Variants in DENND4A observed in about 807,000 individuals in gnomAD.
The protein encoded by DENND4A is C-myc promoter-binding protein.
A neutral mutation model predicts 199.3 loss-of-function variants in DENND4A; 70 were observed. The observed-to-expected ratio is 0.35, with a 90% CI of 0.29 to 0.43. The LOEUF is 0.43. DENND4A is among the 20% of genes least tolerant of loss of function. The probability of loss-of-function intolerance (pLI) is 1.00; values close to 1 mark genes in which losing one functional copy is unlikely to be tolerated. For synonymous variants in DENND4A, 686 were observed against 766.9 expected, an observed-to-expected ratio of 0.89 and a Z score of 1.74; for missense variants, 1,723 against 2,255.8, an observed-to-expected ratio of 0.76 and a Z score of 4.78.
chr15:65,763,113 T>C (rs2076894663), intron 1 of DENND4A, among the ~76,000 whole-genome samples: 2 of 152,238 alleles, frequency 1.3e-5, no homozygotes, highest in East Asian at 1.9e-4. Context: ...ACCAACTGTA[T>C]TGTACCAAGC....
chr15:65,675,983 A>G (rs1208387320), intron 24 of DENND4A, among the ~76,000 whole-genome samples: 1 of 151,874 alleles, frequency 6.6e-6, no homozygotes, highest in East Asian at 1.9e-4. Flanking sequence ...ATGTATAACT[A>G]TAATTTTGTA....
chr15:65,750,413 T>C (rs1194053553), intron 4 of DENND4A, among the ~76,000 whole-genome samples: 1 of 151,834 alleles, frequency 6.6e-6, no homozygotes, highest in African/African-American at 2.4e-5. Context: ...ATGGGTTCAA[T>C]CACACCCTAA....
chr15:65,784,870 G>A (rs1322947771), intron 1 of DENND4A, among the ~76,000 whole-genome samples: 1 of 152,080 alleles, frequency 6.6e-6, no homozygotes, highest in Admixed American at 6.6e-5. Context: ...ACCTGGGCCG[G>A]GCAATGGTGT....
At chr15:65,663,708 T>A (rs1003672497) in intron 32 of DENND4A, among the ~76,000 whole-genome samples, 2 of 152,074 alleles carry the variant, frequency 1.3e-5, no homozygotes, top group African/African-American at 4.8e-5. Flanking sequence ...GGCATGCAGC[T>A]GCACCGTCAT....
At position 65,722,832 on chromosome 15, in the gene DENND4A, T is replaced by TA. The variant is rs769444765; in HGVS notation, c.1588+15dup. 15 of 1,561,870 alleles carry TA rather than the reference T, an allele frequency of 9.6e-6. No homozygotes were observed. The African/African-American group carries it at 1.6e-4, about 17-fold the overall frequency. The stretch of plus-strand genomic sequence containing the variant: ...TTCAGATTAAATTACCTCCTTTAAT[T>TA]AAGTTATCCACTTACATTTTGCCAA... On this transcript the variant is annotated intron_variant, in intron 12 of 32. Transcript: ENST00000443035.
chr15:65,699,557 A>G, intron 20 of DENND4A, among the ~76,000 whole-genome samples: 2 of 150,480 alleles, frequency 1.3e-5, no homozygotes, highest in African/African-American at 4.9e-5. Context: ...CACATAAGAT[A>G]TATAATTCTA....
At position 65,696,383 on chromosome 15, in the gene DENND4A, A is replaced by G. The variant is rs1215710016; in HGVS notation, c.3065T>C (p.Ile1022Thr). The change falls in exon 22 of 33, where the codon ATA becomes ACA. Residue 1022 changes from isoleucine to threonine, a missense_variant. Ile to Thr is a moderately conservative substitution (Grantham distance 89). Transcript: ENST00000443035. ...TGTSNNSAGKISGESMESTPE... is the reference protein window; with the variant it reads ...TGTSNNSAGKTSGESMESTPE... ...CAACTTACCCATGCTTTCTCCTGAT[A>G]TTTTACCAGCACTGTTGTTACTTGT... The G allele has an allele frequency of 1.2e-6, 2 of 1,612,208 alleles. No individual in the cohort carries two copies. The highest frequency in any genetic ancestry group is 1.1e-5 in the South Asian group (1 of 90,992).
chr15:65,727,683 GC>G (rs1281498534), intron 11 of DENND4A: 1 of 179,972 alleles, frequency 5.6e-6, no homozygotes, highest in African/African-American at 2.4e-5. Context: ...AGCTGTACCA[GC>G]TTTTGGGCTT....
intron 28 of DENND4A, 81 bp from the exon 29 acceptor site, chr15:65,667,784 T>C (rs1420761171): frequency 5.3e-6 from 8 of 1,503,338 alleles, no homozygotes; most frequent in Non-Finnish European, 7.2e-6. Context: ...CCCATATGAG[T>C]AGAAAAGTAA....
At chr15:65,775,135 C>T (rs1596677842) in intron 1 of DENND4A, among the ~76,000 whole-genome samples, 1 of 152,084 alleles carries the variant, frequency 6.6e-6, no homozygotes, top group Non-Finnish European at 1.5e-5. Context: ...TAAAAGTAAA[C>T]TAACAAACCA....
chr15:65,702,296 A>C lies in DENND4A; in HGVS notation c.2430+9T>G, dbSNP rs750773498. ...AAAAATAAAATAACAACAATAAAAT[A>C]ATTGTTACCTCATCAGGTGGATCCA... On this transcript the variant is annotated intron_variant, in intron 17 of 32. Coordinates refer to ENST00000443035, the MANE Select transcript of DENND4A (RefSeq NM_001320835.1). 3 of 1,542,880 alleles carry C rather than the reference A, an allele frequency of 1.9e-6. No homozygotes were observed. Among genetic ancestry groups the C allele is most frequent in the Non-Finnish European group, 2.6e-6 (3 of 1,139,314 alleles).
In DENND4A at chr15:65,667,601, T is replaced by C. The variant is rs1365861090; in HGVS notation, c.5089A>G (p.Asn1697Asp). 6.2e-7 allele frequency: 1 copy of C among 1,613,986 alleles called. No individual in the cohort carries two copies. Among genetic ancestry groups the C allele is most frequent in the Non-Finnish European group, 8.5e-7 (1 of 1,179,882 alleles). Residue 1697 changes from asparagine to aspartate, a missense_variant, in exon 29 of 33, where the codon AAT becomes GAT. Physicochemically the swap from Asn to Asp is conservative, Grantham distance 23. Around this residue, in one of 6 missense-constraint regions of DENND4A, gnomAD observed 164 missense variants for 280.1 expected, o/e 0.59. Coordinates refer to ENST00000443035, the MANE Select transcript of DENND4A (RefSeq NM_001320835.1). ...ACTGTTATTGCATGATCACCTTCAT[T>C]TTCCAATAAGCTTTCAAGTTCTTTC... The part of the protein sequence containing the change: ...VWKELESLLE[N>D]EGDHAITVAD...
chr15:65,740,634 GAA>G (rs79666520), intron 5 of DENND4A, among the ~76,000 whole-genome samples: 4 of 94,982 alleles, frequency 4.2e-5, no homozygotes, highest in Admixed American at 1.0e-4. Context: ...GTCTTTAAAA[GAA>G]AAAAAAAAAA....
chr15:65,677,549 T>C (rs1251374658), intron 23 of DENND4A, among the ~76,000 whole-genome samples: 1 of 152,190 alleles, frequency 6.6e-6, no homozygotes, highest in African/African-American at 2.4e-5. Flanking sequence ...TTTCATCCTT[T>C]ATGGGTTCCA....
chr15:65,777,163 GT>G (rs1225374836), intron 1 of DENND4A, among the ~76,000 whole-genome samples: 3 of 151,998 alleles, frequency 2.0e-5, no homozygotes, highest in Non-Finnish European at 4.4e-5. Context: ...GTAAGACGCT[GT>G]CTCAAAATAA....
chr15:65,691,146 C>T lies in DENND4A; in HGVS notation c.3448G>A (p.Asp1150Asn). 6.2e-7 allele frequency: 1 copy of T among 1,613,388 alleles called. No homozygotes were observed. The highest frequency in any genetic ancestry group is 2.2e-5 in the East Asian group (1 of 44,864). ...TTATCTGCCAAATAGTTAGAACCAT[C>T]AAAAGGTGTATCATCATCACTAGAT... ...KESSDDDTPF[D>N]GSNYLADKVD... The change falls in exon 23 of 33, where the codon GAT becomes AAT. Residue 1150 changes from aspartate to asparagine, a missense_variant. Physicochemically the swap from Asp to Asn is conservative, Grantham distance 23. Around this residue, in one of 6 missense-constraint regions of DENND4A, gnomAD observed 650 missense variants for 738.1 expected, o/e 0.88. Transcript: ENST00000443035.
chr15:65,727,408 G>A (rs917810710), intron 11 of DENND4A, among the ~76,000 whole-genome samples: 15 of 139,452 alleles, frequency 1.1e-4, no homozygotes, highest in African/African-American at 3.8e-4. Context: ...AGCTGAGATC[G>A]CATCACTGCA....
chr15:65,673,527 G>C (rs2076279494), intron 24 of DENND4A, among the ~76,000 whole-genome samples: 1 of 148,062 alleles, frequency 6.8e-6, no homozygotes, highest in Admixed American at 6.8e-5. Context: ...CAGTCCATGA[G>C]AAATAAGAGG....
chr15:65,701,084 T>C lies in DENND4A; in HGVS notation c.2668A>G (p.Lys890Glu). Residue 890 changes from lysine (K) to glutamate (E), a missense_variant, in exon 19 of 33, where the codon AAG becomes GAG. Transcript: ENST00000443035. ...GVTQFKRALK[K>E]HAHLSQTTLS... ...GTTGTTTGTGATAAGTGTGCATGCT[T>C]CTTTAAAGCTCTTTTGAACTGTGTT... The C allele has an allele frequency of 6.2e-7, 1 of 1,609,096 alleles. No individual in the cohort carries two copies. Among genetic ancestry groups the C allele is most frequent in the Non-Finnish European group, 8.5e-7 (1 of 1,178,568 alleles).
Sources: allele counts gnomAD v4.1 joint callset (sites outside exome capture counted in the v4.1 genomes callset), GRCh38; gene constraint gnomAD v4.1.1; regional missense constraint gnomAD v4.1.1; transcripts MANE v1.5; gene names NCBI Gene and HGNC (gene_info 2026-07-23, HGNC 2026-07-21).